Variants in SYT2 observed in about 807,000 individuals in gnomAD.
SYT2 encodes synaptotagmin-2.
A neutral mutation model predicts 39.9 loss-of-function variants in SYT2; 15 were observed. The observed-to-expected ratio is 0.38, with a 90% CI of 0.25 to 0.58. The LOEUF (loss-of-function observed/expected upper bound fraction) is 0.58. Ranked by LOEUF, SYT2 falls within the 20% of genes least tolerant of loss-of-function variation. The pLI is 0.70. For missense variants in SYT2, 389 were observed against 530.3 expected (o/e 0.73, Z 2.62); for synonymous variants, 181 against 204.5 (o/e 0.89, Z 0.98).
At chr1:202,609,480 A>G (rs4950860) in intron 1 of SYT2, among the ~76,000 whole-genome samples, 66,113 of 152,062 alleles carry the variant, frequency 0.43, 16,312 homozygotes, top group Non-Finnish European at 0.56. Context: ...GACTTCCACA[A>G]TGGTTGAACT....
chr1:202,694,107 C>T (rs934285557), intron 1 of SYT2, among the ~76,000 whole-genome samples: 4 of 152,210 alleles, frequency 2.6e-5, no homozygotes, highest in Admixed American at 6.5e-5. Flanking sequence ...ACCTCCCACC[C>T]GGCCCCACTT....
intron 1 of SYT2, among the ~76,000 whole-genome samples, chr1:202,634,804 A>G (rs1466741929): frequency 6.6e-6 from 1 of 152,238 alleles, no homozygotes; most frequent in East Asian, 1.9e-4. Context: ...ATATAATTCC[A>G]TCTAAATCAA....
chr1:202,651,824 G>A (rs1404783725), intron 1 of SYT2, among the ~76,000 whole-genome samples: 1 of 152,222 alleles, frequency 6.6e-6, no homozygotes, highest in Non-Finnish European at 1.5e-5. Context: ...ACCTTGGGAG[G>A]CTGAGGCAGG....
At chr1:202,689,491 G>T (rs1416112590) in intron 1 of SYT2, among the ~76,000 whole-genome samples, 1 of 152,130 alleles carries the variant, frequency 6.6e-6, no homozygotes, top group Non-Finnish European at 1.5e-5. Flanking sequence ...GAGACCAAGG[G>T]ACTATCTTGG....
At chr1:202,669,866 G>A (rs1457440157) in intron 1 of SYT2, among the ~76,000 whole-genome samples, 1 of 152,102 alleles carries the variant, frequency 6.6e-6, no homozygotes, top group Admixed American at 6.5e-5. Flanking sequence ...ACCTACCTGG[G>A]AGCCCTGGCC....
rs922181598 is a variant in SYT2, at chr1:202,600,266, G to T, written c.919+91C>A. 6 of 1,059,306 alleles carry T rather than the reference G, an allele frequency of 5.7e-6. No individual in the cohort carries two copies. In the African/African-American group the frequency reaches 7.9e-5, roughly 14 times the overall value. The allele number at this position is 1,059,306 out of a possible 1,614,324, so 65.6% of individuals were successfully genotyped here. A position where few individuals can be genotyped will look rare whatever the true frequency, so the allele number is the denominator to read the frequency against. On this transcript the variant is annotated intron_variant, in intron 7 of 8. Coordinates refer to ENST00000367268, the MANE Select transcript of SYT2 (RefSeq NM_177402.5). ...CATCTCAGTCCCAGGGCAGCAAAGT[G>T]TTCCTCTTCACTGGAGTGTGCAAAC...
At chr1:202,626,749 G>A (rs1691428914) in intron 1 of SYT2, among the ~76,000 whole-genome samples, 1 of 152,112 alleles carries the variant, frequency 6.6e-6, no homozygotes, top group South Asian at 2.1e-4. Flanking sequence ...CAGAAAGGGT[G>A]GTGGGGTCAT....
At chr1:202,641,202 G>A (rs1691908403) in intron 1 of SYT2, among the ~76,000 whole-genome samples, 1 of 152,214 alleles carries the variant, frequency 6.6e-6, no homozygotes, top group East Asian at 1.9e-4. Flanking sequence ...CCAGGGGTGT[G>A]CCTGGCTTTG....
intron 1 of SYT2, chr1:202,633,015 T>A (rs1487296866): frequency 6.6e-6 from 1 of 152,154 alleles, no homozygotes; most frequent in East Asian, 1.9e-4. Flanking sequence ...GAATATGGAC[T>A]AAAGGGAGGG....
At chr1:202,665,859 T>A (rs1692472311) in intron 1 of SYT2, among the ~76,000 whole-genome samples, 1 of 152,108 alleles carries the variant, frequency 6.6e-6, no homozygotes, top group South Asian at 2.1e-4. Flanking sequence ...TTTATTTCTT[T>A]AAAAAGCTAA....
chr1:202,643,694 A>T (rs1415168309), intron 1 of SYT2, among the ~76,000 whole-genome samples: 1 of 151,992 alleles, frequency 6.6e-6, no homozygotes, highest in Non-Finnish European at 1.5e-5. Flanking sequence ...AATGGGCGAC[A>T]GGAGAAGGGG....
chr1:202,668,850 G>T (rs1198928709), intron 1 of SYT2, among the ~76,000 whole-genome samples: 6 of 152,188 alleles, frequency 3.9e-5, no homozygotes, highest in African/African-American at 1.4e-4. Flanking sequence ...GATGGCCCCT[G>T]GGCAACTGGA....
chr1:202,698,551 G>A (rs1054442562), intron 1 of SYT2, among the ~76,000 whole-genome samples: 4 of 152,220 alleles, frequency 2.6e-5, no homozygotes, highest in African/African-American at 9.7e-5. Context: ...TGTGAAAAGA[G>A]CAGTCATCCT....
chr1:202,693,736 G>C (rs946508458), intron 1 of SYT2, among the ~76,000 whole-genome samples: 2 of 152,168 alleles, frequency 1.3e-5, no homozygotes, highest in African/African-American at 4.8e-5. Flanking sequence ...AAGATGCACT[G>C]TCCATTCCTC....
At position 202,631,753 on chromosome 1, in the gene SYT2, C is replaced by T. The variant is rs189349223; in HGVS notation, c.-17-25964G>A. On this transcript the variant is annotated intron_variant, in intron 1 of 8. Transcript: ENST00000367268. ...CACCACCCATTGATGAGTTCATGGTCCCAGGAGGTAATGAGGGCTCCATCA... is the reference window on the plus strand; with the variant it reads ...CACCACCCATTGATGAGTTCATGGTTCCAGGAGGTAATGAGGGCTCCATCA... Among the ~76,000 whole-genome samples the T allele has an allele frequency of 2.4e-3, 360 of 152,246 alleles. 1 individual carries two copies. Among genetic ancestry groups the T allele is most frequent in the African/African-American group, 8.3e-3 (344 of 41,550 alleles).
At chr1:202,695,839 C>T (rs1018497690) in intron 1 of SYT2, among the ~76,000 whole-genome samples, 1 of 152,220 alleles carries the variant, frequency 6.6e-6, no homozygotes, top group African/African-American at 2.4e-5. Flanking sequence ...TGACACTCTC[C>T]CTTACACCTC....
chr1:202,627,089 G>T (rs1332981771), intron 1 of SYT2, among the ~76,000 whole-genome samples: 3 of 152,244 alleles, frequency 2.0e-5, no homozygotes, highest in Non-Finnish European at 2.9e-5. Flanking sequence ...AGCCAGTCCA[G>T]GCTCTGTCCA....
chr1:202,701,582 G>A (rs577332010), intron 1 of SYT2, among the ~76,000 whole-genome samples: 12 of 152,188 alleles, frequency 7.9e-5, no homozygotes, highest in Admixed American at 7.9e-4. Context: ...TTGCTTAGCG[G>A]GTGTGTAGTG....
chr1:202,602,384 G>A lies in SYT2; in HGVS notation c.627C>T (p.Thr209=). 1 of 1,613,726 alleles carries A rather than the reference G, an allele frequency of 6.2e-7. No homozygotes were observed. Among genetic ancestry groups the A allele is most frequent in the Non-Finnish European group, 8.5e-7 (1 of 1,179,718 alleles). The change falls in exon 5 of 9, where the codon ACC becomes ACT. Residue 209 remains threonine, a synonymous_variant. Coordinates refer to ENST00000367268, the MANE Select transcript of SYT2 (RefSeq NM_177402.5). ...TLNPAFNETF[T]FKVPYQELGG... ...CCCTTCCAGCCCTCAGCACCTTGAA[G>A]GTGAAGGTTTCATTGAAGGCAGGGT...
Sources: gnomAD v4.1 joint callset for allele counts (sites outside exome capture counted in the v4.1 genomes callset) on GRCh38, gnomAD v4.1.1 for gene constraint, MANE v1.5 for transcripts, NCBI Gene and HGNC (gene_info 2026-07-23, HGNC 2026-07-21) for gene names.